The following BRINP1 variants were observed in gnomAD, a reference collection of about 807,000 sequenced individuals.
BRINP1 encodes the protein BMP/retinoic acid-inducible neural-specific protein 1.
Under a neutral mutation model 72.9 loss-of-function variants are expected in BRINP1, and 17 were observed. That is an observed-to-expected ratio of 0.23 (90% CI 0.16 to 0.35). The LOEUF (loss-of-function observed/expected upper bound fraction) is 0.35. BRINP1 is among the 10% of genes least tolerant of loss of function. BRINP1 has a pLI of 1.00. For missense variants in BRINP1, 850 were observed against 1,001.6 expected, an observed-to-expected ratio of 0.85 and a Z score of 2.04; for synonymous variants, 418 against 378.5, an observed-to-expected ratio of 1.10 and a Z score of -1.21.
intron 2 of BRINP1, among the ~76,000 whole-genome samples, chr9:119,258,778 ATC>A (rs1244918643): frequency 6.6e-6 from 1 of 152,088 alleles, no homozygotes; most frequent in African/African-American, 2.4e-5. Context: ...TCCTTTACAA[ATC>A]TCTGTCACCC....
At chr9:119,198,535 T>G (rs2118859547) in intron 7 of BRINP1, among the ~76,000 whole-genome samples, 1 of 152,320 alleles carries the variant, frequency 6.6e-6, no homozygotes. Flanking sequence ...ATTATATGAT[T>G]ACATTCTGTT....
chr9:119,336,831 A>C (rs544288839), intron 1 of BRINP1, among the ~76,000 whole-genome samples: 1 of 151,354 alleles, frequency 6.6e-6, no homozygotes. Context: ...AGAGAAGAGA[A>C]AAAAAAAGAG....
chr9:119,303,841 C>T (rs1830965670), intron 2 of BRINP1, among the ~76,000 whole-genome samples: 1 of 151,032 alleles, frequency 6.6e-6, no homozygotes, highest in Non-Finnish European at 1.5e-5. Context: ...AGTCCTCAAA[C>T]ATTTGCTCTA....
intron 1 of BRINP1, among the ~76,000 whole-genome samples, chr9:119,365,096 T>C (rs773892797): frequency 2.0e-5 from 3 of 152,192 alleles, no homozygotes; most frequent in Non-Finnish European, 2.9e-5. Flanking sequence ...CCCCCAGCGC[T>C]ATAAAGCAGG....
chr9:119,277,563 A>G (rs1008208318), intron 2 of BRINP1, among the ~76,000 whole-genome samples: 2 of 152,202 alleles, frequency 1.3e-5, no homozygotes, highest in African/African-American at 4.8e-5. Flanking sequence ...ATACCAGCAC[A>G]TTACTGATTA....
At chr9:119,204,049 G>C (rs1419097433) in intron 7 of BRINP1, among the ~76,000 whole-genome samples, 1 of 152,146 alleles carries the variant, frequency 6.6e-6, no homozygotes, top group Non-Finnish European at 1.5e-5. Flanking sequence ...CCCTCTCTGA[G>C]CCCAGCTGCC....
At chr9:119,242,477 C>T (rs1160175772) in intron 3 of BRINP1, among the ~76,000 whole-genome samples, 1 of 152,192 alleles carries the variant, frequency 6.6e-6, no homozygotes, top group Non-Finnish European at 1.5e-5. Context: ...TGCTTCTCAC[C>T]AGCATCATCT....
At chr9:119,193,048 C>CCTA (rs918397367) in intron 7 of BRINP1, among the ~76,000 whole-genome samples, 1 of 151,936 alleles carries the variant, frequency 6.6e-6, no homozygotes, top group Non-Finnish European at 1.5e-5. Flanking sequence ...TTATAGAGTA[C>CCTA]CTATATTACC....
chr9:119,334,141 G>A (rs1010688094), intron 1 of BRINP1, among the ~76,000 whole-genome samples: 1 of 152,198 alleles, frequency 6.6e-6, no homozygotes, highest in African/African-American at 2.4e-5. Context: ...TTTCCTGAAA[G>A]AGATCCTTTG....
chr9:119,249,270 T>A, intron 2 of BRINP1, 120 bp from the exon 3 acceptor site: 5 of 846,616 alleles, frequency 5.9e-6, no homozygotes, highest in Non-Finnish European at 8.9e-6. Context: ...AATTTTAATA[T>A]GTGTCAAGTG....
chr9:119,285,140 C>G (rs552667328), intron 2 of BRINP1, among the ~76,000 whole-genome samples: 2 of 151,200 alleles, frequency 1.3e-5, no homozygotes, highest in South Asian at 4.2e-4. Flanking sequence ...CTCTGGGCTC[C>G]TGCTGCAGTG....
chr9:119,175,218 G>A (rs780021573), intron 7 of BRINP1, among the ~76,000 whole-genome samples: 92 of 151,166 alleles, frequency 6.1e-4, no homozygotes, highest in Non-Finnish European at 9.6e-4. Flanking sequence ...TCCTTTGCAC[G>A]GACATGGATT....
At chr9:119,314,289 G>C (rs1410981982) in intron 1 of BRINP1, among the ~76,000 whole-genome samples, 1 of 152,214 alleles carries the variant, frequency 6.6e-6, no homozygotes, top group South Asian at 2.1e-4. Flanking sequence ...AGCTTTGGTA[G>C]AGAGGTACCT....
At position 119,168,333 on chromosome 9, in the gene BRINP1, T is replaced by C. The variant is rs977032512; in HGVS notation, c.1146-109A>G. On this transcript the variant is annotated intron_variant, in intron 7 of 7. Coordinates refer to ENST00000265922, the MANE Select transcript of BRINP1 (RefSeq NM_014618.3). ...GGAGCTGCCAAAAAGATGAAAGGAC[T>C]GGATGGAGCAGTGACAATACAGGAA... is the stretch of plus-strand genomic sequence containing the variant. 14 of 845,272 alleles carry C rather than the reference T, an allele frequency of 1.7e-5. No individual in the cohort carries two copies. The African/African-American group carries it at 2.2e-4, about 13-fold the overall frequency. The allele number at this position is 845,272 out of a possible 1,614,324, so 52.4% of individuals were successfully genotyped here.
At chr9:119,356,720 G>A (rs886151676) in intron 1 of BRINP1, among the ~76,000 whole-genome samples, 3 of 151,302 alleles carry the variant, frequency 2.0e-5, no homozygotes, top group East Asian at 3.9e-4. Flanking sequence ...CAATAGAATC[G>A]CTTGAACCTG....
chr9:119,221,134 A>T (rs1385805468), intron 5 of BRINP1, among the ~76,000 whole-genome samples: 2 of 152,140 alleles, frequency 1.3e-5, no homozygotes, highest in Non-Finnish European at 2.9e-5. Flanking sequence ...ATATTTTTCT[A>T]TCCTGTTCTT....
chr9:119,174,860 C>T (rs1329053712), intron 7 of BRINP1, among the ~76,000 whole-genome samples: 5 of 150,262 alleles, frequency 3.3e-5, no homozygotes, highest in African/African-American at 7.4e-5. Context: ...AGTCAACTAT[C>T]GCAAGAACAA....
chr9:119,240,264 A>G (rs1830234081), intron 4 of BRINP1, among the ~76,000 whole-genome samples: 1 of 152,118 alleles, frequency 6.6e-6, no homozygotes, highest in Non-Finnish European at 1.5e-5. Flanking sequence ...GCGAGTCTCC[A>G]TCTCAAAAAG....
At chr9:119,231,495 A>G (rs1025160911) in intron 5 of BRINP1, among the ~76,000 whole-genome samples, 2 of 152,080 alleles carry the variant, frequency 1.3e-5, no homozygotes, top group African/African-American at 4.8e-5. Context: ...ACTCCTGATC[A>G]CCTTAAGCTA....
Sources: gnomAD v4.1 joint callset for allele counts (sites outside exome capture counted in the v4.1 genomes callset) on GRCh38, gnomAD v4.1.1 for gene constraint, MANE v1.5 for transcripts, NCBI Gene and HGNC (gene_info 2026-07-23, HGNC 2026-07-21) for gene names.